CUX2: variants seen among roughly 807,000 people sequenced by gnomAD.
CUX2 encodes the protein cut like homeobox 2, also known as homeobox protein cut-like 2.
A neutral mutation model predicts 144.8 loss-of-function variants in CUX2; 40 were observed. That is an observed-to-expected ratio of 0.28 (90% CI 0.21 to 0.36). The LOEUF (loss-of-function observed/expected upper bound fraction) is 0.36. CUX2 is among the 10% of genes least tolerant of loss of function. The pLI is 1.00. For synonymous variants in CUX2, 827 were observed against 875.6 expected (o/e 0.94, Z 0.98); for missense variants, 1,615 against 1,994.0 (o/e 0.81, Z 3.62).
In CUX2 at chr12:111,322,872, G is replaced by A. The variant is rs1185185751; in HGVS notation, c.2926+292G>A. 6.6e-6 allele frequency among the ~76,000 whole-genome samples: 1 copy of A among 152,232 alleles called. No homozygotes were observed. Among genetic ancestry groups the A allele is most frequent in the African/African-American group, 2.4e-5 (1 of 41,464 alleles). ...GGCTCCATGGTGCTCAGAGCAGGTGGAGAATGTGTTTTGCATGTGGAGTCC... is the reference window on the plus strand; with the variant it reads ...GGCTCCATGGTGCTCAGAGCAGGTGAAGAATGTGTTTTGCATGTGGAGTCC... On this transcript the variant is annotated intron_variant, in intron 18 of 21. Transcript: ENST00000261726. This position sits in a 1 kb window ranked among gnomAD's most constrained non-coding sequence, Gnocchi z 4.2.
At chr12:111,173,413 T>C (rs561392107) in intron 1 of CUX2, among the ~76,000 whole-genome samples, 2 of 152,374 alleles carry the variant, frequency 1.3e-5, no homozygotes, top group East Asian at 1.9e-4. Context: ...ATTCATTTGT[T>C]CATTTGAGCA....
Position 111,186,842 on chromosome 12 carries a change from A to C in CUX2, c.64-27358A>C, listed in dbSNP as rs1433466083. 1.3e-5 allele frequency among the ~76,000 whole-genome samples: 2 copies of C among 151,064 alleles called. No homozygotes were observed. Among genetic ancestry groups the C allele is most frequent in the Non-Finnish European group, 2.9e-5 (2 of 67,910 alleles). On this transcript the variant is annotated intron_variant, in intron 1 of 21. Transcript: ENST00000261726. The surrounding 1 kb of genome is among the most constrained non-coding windows in gnomAD (Gnocchi z 4.4). ...CACCCAGACTGGAGTGCAGTGGTGCAATCTCAGCTCATTGCAACCTCCACC... is the reference window on the plus strand; with the variant it reads ...CACCCAGACTGGAGTGCAGTGGTGCCATCTCAGCTCATTGCAACCTCCACC...
Position 111,061,195 on chromosome 12 carries a change from C to CACAA in CUX2, c.63+26958_63+26959insAACA, listed in dbSNP as rs1339515084. Among the ~76,000 whole-genome samples the CACAA allele has an allele frequency of 1.3e-4, 20 of 150,400 alleles. No homozygotes were observed. Among genetic ancestry groups the CACAA allele is most frequent in the Admixed American group, 1.3e-3 (20 of 15,170 alleles). The stretch of plus-strand genomic sequence containing the variant: ...ATGCATATGCACACACACACACACA[C>CACAA]ACACACACACACACACACACAGCAA... On this transcript the variant is annotated intron_variant, in intron 1 of 21. Transcript: ENST00000261726. This position sits in a 1 kb window ranked among gnomAD's most constrained non-coding sequence, Gnocchi z 4.2.
rs963619389 is a variant in CUX2, at chr12:111,037,309, A to G, written c.63+3069A>G. ...ATGGGCGGCCCCGTGTCCCCAGGCCATACCACGTCGCTGACGCCATACCGA... is the reference window on the plus strand; with the variant it reads ...ATGGGCGGCCCCGTGTCCCCAGGCCGTACCACGTCGCTGACGCCATACCGA... On this transcript the variant is annotated intron_variant, in intron 1 of 21. Coordinates refer to ENST00000261726, the MANE Select transcript of CUX2 (RefSeq NM_015267.4). This position sits in a 1 kb window ranked among gnomAD's most constrained non-coding sequence, Gnocchi z 5.4. Among the ~76,000 whole-genome samples, 2 of 152,250 alleles carry G rather than the reference A, an allele frequency of 1.3e-5. No homozygotes were observed.
chr12:111,334,742 C>T (rs1888271005), intron 19 of CUX2, 32 bp downstream of exon 19: 1 of 1,559,394 alleles, frequency 6.4e-7, no homozygotes. Context: ...GAGAGGCTGC[C>T]TCCCACCTGG....
At chr12:111,221,487 G>C (rs1295493971) in intron 3 of CUX2, among the ~76,000 whole-genome samples, 1 of 152,052 alleles carries the variant, frequency 6.6e-6, no homozygotes, top group Non-Finnish European at 1.5e-5. Flanking sequence ...CGATTCCCAA[G>C]TGGGTATTAA....
At chr12:111,073,292 C>G (rs1871336233) in intron 1 of CUX2, among the ~76,000 whole-genome samples, 1 of 152,032 alleles carries the variant, frequency 6.6e-6, no homozygotes, top group Admixed American at 6.5e-5. Flanking sequence ...TTTCTTTTAC[C>G]AACATTATGT....
At chr12:111,138,907 C>A (rs1325296214) in intron 1 of CUX2, among the ~76,000 whole-genome samples, 1 of 152,026 alleles carries the variant, frequency 6.6e-6, no homozygotes, top group Non-Finnish European at 1.5e-5. Flanking sequence ...TCTCGCTGAG[C>A]CCACATTTCC....
intron 1 of CUX2, among the ~76,000 whole-genome samples, chr12:111,183,745 C>T (rs1015509226): frequency 6.6e-6 from 1 of 152,116 alleles, no homozygotes; most frequent in Non-Finnish European, 1.5e-5. Context: ...CATCAGTGCT[C>T]ACATAGTGCC....
At chr12:111,338,167 GTCAGTGGAGAT>G in intron 19 of CUX2, 108 bp from the exon 20 acceptor site, 1 of 1,076,224 alleles carries the variant, frequency 9.3e-7, no homozygotes, top group South Asian at 1.8e-5. Context: ...TCCCTTCGGA[GTCAGTGGAGAT>G]AGCCTCGAGG....
At position 111,289,106 on chromosome 12, in the gene CUX2, G is replaced by A. The variant is rs1885546376; in HGVS notation, c.302-2312G>A. ...CCACTGCACTCCAGCCTGGGCAACA[G>A]AGCCAGATTCTGTCTCAAAAAAAGA... On this transcript the variant is annotated intron_variant, in intron 4 of 21. Coordinates refer to ENST00000261726, the MANE Select transcript of CUX2 (RefSeq NM_015267.4). This position sits in a 1 kb window ranked among gnomAD's most constrained non-coding sequence, Gnocchi z 4.1. Among the ~76,000 whole-genome samples, 1 of 152,138 alleles carries A rather than the reference G, an allele frequency of 6.6e-6. No individual in the cohort carries two copies. The highest frequency in any genetic ancestry group is 2.4e-5 in the African/African-American group (1 of 41,432).
chr12:111,196,012 ACTGT>A (rs2136201241), intron 1 of CUX2, among the ~76,000 whole-genome samples: 1 of 152,186 alleles, frequency 6.6e-6, no homozygotes, highest in East Asian at 1.9e-4. Context: ...TTTTCCAGTC[ACTGT>A]CTGATCCCAC....
chr12:111,322,558 C>G lies in CUX2; in HGVS notation c.2904C>G (p.Gly968=). ...CTGACCAGCTCGGCCAGGCAGTGGGCCAGCAGCCTGGTGCCTCCCAGGGTG... is the reference window on the plus strand; with the variant it reads ...CTGACCAGCTCGGCCAGGCAGTGGGGCAGCAGCCTGGTGCCTCCCAGGGTG... ...WLSDQLGQAV[G]QQPGASQASP... Residue 968 remains glycine, a synonymous_variant, in exon 18 of 22, where the codon GGC becomes GGG. Coordinates refer to ENST00000261726, the MANE Select transcript of CUX2 (RefSeq NM_015267.4). The surrounding 1 kb of genome is among the most constrained non-coding windows in gnomAD (Gnocchi z 4.2). The G allele has an allele frequency of 6.2e-7, 1 of 1,609,480 alleles. No individual in the cohort carries two copies. Among genetic ancestry groups the G allele is most frequent in the Non-Finnish European group, 8.5e-7 (1 of 1,179,588 alleles).
Position 111,263,737 on chromosome 12 carries a change from CTCTT to C in CUX2, c.223-20_223-17del, listed in dbSNP as rs2136291435. 2 of 1,594,604 alleles carry C rather than the reference CTCTT, an allele frequency of 1.3e-6. No individual in the cohort carries two copies. Among genetic ancestry groups the C allele is most frequent in the South Asian group, 1.1e-5 (1 of 90,682 alleles). On this transcript the variant is annotated intron_variant, in intron 3 of 21. Transcript: ENST00000261726. This position sits in a 1 kb window ranked among gnomAD's most constrained non-coding sequence, Gnocchi z 4.0. ...ACACAGATGCCATGGTTACACGTGA[CTCTT>C]TCTCTTGTTGTCTCCAAAGGTGGTG...
intron 3 of CUX2, among the ~76,000 whole-genome samples, chr12:111,251,918 A>C (rs140845716): frequency 1.6e-4 from 25 of 152,256 alleles, no homozygotes; most frequent in Non-Finnish European, 3.5e-4. Context: ...CAAGGCTCAC[A>C]CGTGTAATCC....
At chr12:111,173,911 A>G (rs1262645625) in intron 1 of CUX2, among the ~76,000 whole-genome samples, 1 of 152,186 alleles carries the variant, frequency 6.6e-6, no homozygotes, top group Non-Finnish European at 1.5e-5. Flanking sequence ...TGGGCAAAGA[A>G]TTGGGAGGAG....
At chr12:111,053,671 G>T (rs192010358) in intron 1 of CUX2, among the ~76,000 whole-genome samples, 25 of 152,332 alleles carry the variant, frequency 1.6e-4, no homozygotes, top group Middle Eastern at 3.4e-3. Context: ...CGCTGGGTTG[G>T]ATGTCTTCTT....
At position 111,285,697 on chromosome 12, in the gene CUX2, A is replaced by G. The variant is rs545450928; in HGVS notation, c.302-5721A>G. Among the ~76,000 whole-genome samples, 4 of 151,960 alleles carry G rather than the reference A, an allele frequency of 2.6e-5. 1 individual carries two copies. In the East Asian group the frequency reaches 7.7e-4, roughly 29 times the overall value. ...GAAATGACTTCACCCCAGTGCCTCC[A>G]TTTTTCCGTGTGGGAAATCGGGATC... On this transcript the variant is annotated intron_variant, in intron 4 of 21. Transcript: ENST00000261726.
chr12:111,242,972 T>C (rs1883102988), intron 3 of CUX2, among the ~76,000 whole-genome samples: 1 of 152,166 alleles, frequency 6.6e-6, no homozygotes, highest in South Asian at 2.1e-4. Flanking sequence ...TCTCTCCCTG[T>C]GTTAGTTTGC....
Sources: gnomAD v4.1 joint callset for allele counts (sites outside exome capture counted in the v4.1 genomes callset) on GRCh38, gnomAD v4.1.1 for gene constraint, Gnocchi (gnomAD v3.1) non-coding constraint, MANE v1.5 for transcripts, NCBI Gene and HGNC (gene_info 2026-07-23, HGNC 2026-07-21) for gene names.